The following RPRD1A variants were observed in gnomAD, a reference collection of about 807,000 sequenced individuals.
The protein encoded by RPRD1A is regulation of nuclear pre-mRNA domain containing 1A.
In RPRD1A, 9 loss-of-function variants were observed where a neutral mutation model predicts 37.8. That is an observed-to-expected ratio of 0.24 (90% confidence interval 0.14 to 0.42). RPRD1A has a LOEUF of 0.42. Among genes scored for constraint, RPRD1A ranks in the 10% least tolerant of loss-of-function variants. The probability of loss-of-function intolerance (pLI) is 1.00; values close to 1 mark genes in which losing one functional copy is unlikely to be tolerated. For missense variants in RPRD1A, 255 were observed against 371.0 expected (o/e 0.69, Z 2.57); for synonymous variants, 138 against 139.7 (o/e 0.99, Z 0.08).
At chr18:36,053,706 A>C (rs2144390144) in intron 1 of RPRD1A, among the ~76,000 whole-genome samples, 1 of 152,082 alleles carries the variant, frequency 6.6e-6, no homozygotes, top group Non-Finnish European at 1.5e-5. Flanking sequence ...TGGGTCATAT[A>C]GTAATTCTAT....
intron 1 of RPRD1A, among the ~76,000 whole-genome samples, chr18:36,058,343 G>A (rs373458801): frequency 1.3e-5 from 2 of 152,004 alleles, no homozygotes; most frequent in Non-Finnish European, 2.9e-5. Context: ...CACTGCGCCC[G>A]GCCAGAAAAC....
At chr18:36,059,517 ATTT>A (rs528134790) in intron 1 of RPRD1A, among the ~76,000 whole-genome samples, 1 of 152,188 alleles carries the variant, frequency 6.6e-6, no homozygotes, top group African/African-American at 2.4e-5. Flanking sequence ...TATTAAATAA[ATTT>A]TTAAGTGTTT....
At chr18:36,027,433 C>T (rs1911450588) in intron 4 of RPRD1A, 123 bp from the exon 5 acceptor site, 2 of 964,756 alleles carry the variant, frequency 2.1e-6, no homozygotes, top group Non-Finnish European at 1.6e-6. Context: ...ATATAAACTG[C>T]TTTTGAAGAC....
At chr18:36,017,025 G>T (rs539778893) in intron 6 of RPRD1A, among the ~76,000 whole-genome samples, 40 of 151,390 alleles carry the variant, frequency 2.6e-4, no homozygotes, top group African/African-American at 9.7e-4. Context: ...AAAAAAAACT[G>T]CCAGGTGCAG....
intron 1 of RPRD1A, among the ~76,000 whole-genome samples, chr18:36,047,847 A>G (rs2144363128): frequency 6.6e-6 from 1 of 152,290 alleles, no homozygotes; most frequent in East Asian, 1.9e-4. Flanking sequence ...ATTCCCCAAA[A>G]AGAAATCTCC....
chr18:36,063,061 A>G (rs1041781360), intron 1 of RPRD1A: 1 of 152,070 alleles, frequency 6.6e-6, no homozygotes, highest in Admixed American at 6.5e-5. Flanking sequence ...TTATCCCTCC[A>G]AACAGAAACT....
intron 1 of RPRD1A, among the ~76,000 whole-genome samples, chr18:36,048,148 C>A (rs746258228): frequency 4.0e-5 from 6 of 149,190 alleles, no homozygotes; most frequent in African/African-American, 5.0e-5. Flanking sequence ...CTCACCGCAA[C>A]CTCCACCTCC....
intron 1 of RPRD1A, among the ~76,000 whole-genome samples, chr18:36,054,413 C>A (rs1913618810): frequency 6.6e-6 from 1 of 152,114 alleles, no homozygotes; most frequent in Non-Finnish European, 1.5e-5. Flanking sequence ...GAATCACGAA[C>A]CAGGGAGGCA....
At chr18:36,029,476 G>A (rs1479167724) in intron 4 of RPRD1A, among the ~76,000 whole-genome samples, 2 of 152,156 alleles carry the variant, frequency 1.3e-5, no homozygotes, top group South Asian at 2.1e-4. Flanking sequence ...CACCTATGAA[G>A]TTAGGTGTAC....
chr18:36,007,389 C>CA (rs1203460445), intron 6 of RPRD1A, among the ~76,000 whole-genome samples: 2 of 152,074 alleles, frequency 1.3e-5, no homozygotes, highest in African/African-American at 4.8e-5. Context: ...TGCTAAGTGG[C>CA]AAATATTCAG....
At chr18:36,014,439 T>C (rs1474252443) in intron 6 of RPRD1A, among the ~76,000 whole-genome samples, 1 of 152,162 alleles carries the variant, frequency 6.6e-6, no homozygotes, top group African/African-American at 2.4e-5. Context: ...GAAAACAACC[T>C]GATTTTAAAA....
At chr18:36,033,882 C>T (rs1410675896) in intron 1 of RPRD1A, 45 bp from the exon 2 acceptor site, 2 of 1,516,976 alleles carry the variant, frequency 1.3e-6, no homozygotes, top group Non-Finnish European at 1.8e-6. Context: ...AACATCTTTA[C>T]TTGGACAAAC....
chr18:36,025,429 G>C (rs149588354), intron 6 of RPRD1A: 3 of 326,426 alleles, frequency 9.2e-6, no homozygotes, highest in Non-Finnish European at 5.9e-6. Context: ...TGGGGGAAAA[G>C]GGGGTTGTGG....
At chr18:36,049,064 G>A (rs1913178817) in intron 1 of RPRD1A, among the ~76,000 whole-genome samples, 1 of 152,118 alleles carries the variant, frequency 6.6e-6, no homozygotes, top group Non-Finnish European at 1.5e-5. Flanking sequence ...ACCACTGCCG[G>A]CTAATTTTTG....
At chr18:36,040,470 G>C (rs964038657) in intron 1 of RPRD1A, among the ~76,000 whole-genome samples, 1 of 152,190 alleles carries the variant, frequency 6.6e-6, no homozygotes, top group Admixed American at 6.5e-5. Context: ...AAGTTGCAAA[G>C]AAGGGAAGAC....
intron 6 of RPRD1A, among the ~76,000 whole-genome samples, chr18:35,995,877 T>G (rs1444225898): frequency 1.3e-5 from 2 of 152,214 alleles, no homozygotes; most frequent in Non-Finnish European, 2.9e-5. Context: ...TCTTCCTCCC[T>G]GAAACATATG....
chr18:36,021,660 A>G (rs1318210951), intron 6 of RPRD1A, among the ~76,000 whole-genome samples: 2 of 152,216 alleles, frequency 1.3e-5, no homozygotes, highest in African/African-American at 4.8e-5. Context: ...TGCACCAATT[A>G]GCCAAGCTGT....
In RPRD1A at chr18:36,042,596, T is replaced by C. The variant is rs144784220; in HGVS notation, c.152-8759A>G. On this transcript the variant is annotated intron_variant, in intron 1 of 6. Coordinates refer to ENST00000399022, the MANE Select transcript of RPRD1A (RefSeq NM_018170.5). ...CACTCATTCGTACGTTTTTTAAATGTATTGAAGTTCAACTATTTTCATTTT... is the reference window on the plus strand; with the variant it reads ...CACTCATTCGTACGTTTTTTAAATGCATTGAAGTTCAACTATTTTCATTTT... 5.6e-4 allele frequency among the ~76,000 whole-genome samples: 86 copies of C among 152,376 alleles called. No individual in the cohort carries two copies. The East Asian group carries it at 0.016, about 28-fold the overall frequency.
chr18:36,012,073 T>C (rs1376059794), intron 6 of RPRD1A, among the ~76,000 whole-genome samples: 4 of 152,150 alleles, frequency 2.6e-5, no homozygotes, highest in Non-Finnish European at 5.9e-5. Flanking sequence ...TGTGACTGTA[T>C]AGAAACAAGA....
Sources: allele counts gnomAD v4.1 joint callset (sites outside exome capture counted in the v4.1 genomes callset), GRCh38; gene constraint gnomAD v4.1.1; transcripts MANE v1.5; gene names NCBI Gene and HGNC (gene_info 2026-07-23, HGNC 2026-07-21).